Variants in LRFN5 observed in about 807,000 individuals in gnomAD.
The protein encoded by LRFN5 is leucine-rich repeat and fibronectin type-III domain-containing protein 5.
Under a neutral mutation model 45.6 loss-of-function variants are expected in LRFN5, and 24 were observed. That is an observed-to-expected ratio of 0.53 (90% CI 0.38 to 0.74). The LOEUF (loss-of-function observed/expected upper bound fraction) is 0.74, where lower values mean the gene tolerates loss of function less well. Ranked by LOEUF, LRFN5 falls within the 30% of genes least tolerant of loss-of-function variation. The pLI is 0.00. For missense variants in LRFN5, 776 were observed against 861.5 expected (o/e 0.90, Z 1.24); for synonymous variants, 340 against 313.8 (o/e 1.08, Z -0.88).
chr14:41,852,310 A>G (rs1337443650), intron 2 of LRFN5, among the ~76,000 whole-genome samples: 1 of 151,926 alleles, frequency 6.6e-6, no homozygotes, highest in Non-Finnish European at 1.5e-5. Context: ...ACATATGTAA[A>G]GGAAGACAAC....
chr14:41,876,455 T>C (rs1175974318), intron 2 of LRFN5, among the ~76,000 whole-genome samples: 1 of 149,960 alleles, frequency 6.7e-6, no homozygotes, highest in Non-Finnish European at 1.5e-5. Flanking sequence ...TTTTTTTTTT[T>C]TTTTTCTTTT....
chr14:41,872,377 C>G (rs935679062), intron 2 of LRFN5, among the ~76,000 whole-genome samples: 3 of 152,064 alleles, frequency 2.0e-5, no homozygotes, highest in East Asian at 1.9e-4. Context: ...ATGTTTTTTT[C>G]TAATCATTTT....
At chr14:41,712,196 A>G (rs1389859877) in intron 1 of LRFN5, among the ~76,000 whole-genome samples, 1 of 152,204 alleles carries the variant, frequency 6.6e-6, no homozygotes, top group East Asian at 1.9e-4. Flanking sequence ...GATCAGGTAC[A>G]TCTCTTTTAA....
In LRFN5 at chr14:41,753,861, G is replaced by C. The variant is rs567261954; in HGVS notation, c.-196-12993G>C. Among the ~76,000 whole-genome samples the C allele has an allele frequency of 1.4e-4, 21 of 152,250 alleles. No individual in the cohort carries two copies. The East Asian group carries it at 1.5e-3, about 11-fold the overall frequency. The stretch of plus-strand genomic sequence containing the variant: ...TCTTGTGCCAGTTTTCAAAGGGAAT[G>C]CTTCCAGTTTTTGCCCATTCAGTAT... On this transcript the variant is annotated intron_variant, in intron 1 of 5. Transcript: ENST00000298119.
intron 1 of LRFN5, among the ~76,000 whole-genome samples, chr14:41,734,529 G>T (rs1884341753): frequency 6.7e-6 from 1 of 148,758 alleles, no homozygotes; most frequent in African/African-American, 2.5e-5. Flanking sequence ...CCATTCTATT[G>T]TTTTCAGTCT....
At chr14:41,806,893 C>A (rs1418442800) in intron 2 of LRFN5, among the ~76,000 whole-genome samples, 1 of 152,116 alleles carries the variant, frequency 6.6e-6, no homozygotes, top group Non-Finnish European at 1.5e-5. Context: ...GTCAAAATTG[C>A]AGCAGCCTGG....
chr14:41,819,143 G>C (rs1283599559), intron 2 of LRFN5, among the ~76,000 whole-genome samples: 1 of 152,078 alleles, frequency 6.6e-6, no homozygotes, highest in African/African-American at 2.4e-5. Context: ...TCCATTGGTG[G>C]ACACTTAGTT....
chr14:41,727,808 G>A (rs539536270), intron 1 of LRFN5, among the ~76,000 whole-genome samples: 18 of 152,246 alleles, frequency 1.2e-4, no homozygotes, highest in African/African-American at 4.3e-4. Flanking sequence ...GGCTGTATAT[G>A]TGACTTTGAG....
intron 2 of LRFN5, among the ~76,000 whole-genome samples, chr14:41,803,599 G>C (rs968064216): frequency 6.6e-6 from 1 of 151,672 alleles, no homozygotes; most frequent in Non-Finnish European, 1.5e-5. Flanking sequence ...TTCCTGCCTG[G>C]GTCTCTCAAA....
chr14:41,771,070 A>ACAG (rs1677914561), intron 2 of LRFN5, among the ~76,000 whole-genome samples: 1 of 151,838 alleles, frequency 6.6e-6, no homozygotes, highest in African/African-American at 2.4e-5. Flanking sequence ...TTTGAGCTGT[A>ACAG]CTTGGGCCCC....
At chr14:41,735,571 C>T (rs1884392572) in intron 1 of LRFN5, among the ~76,000 whole-genome samples, 1 of 152,120 alleles carries the variant, frequency 6.6e-6, no homozygotes, top group South Asian at 2.1e-4. Context: ...TGCACCTGGC[C>T]ACACTCCTTT....
chr14:41,637,383 G>A lies in LRFN5; in HGVS notation c.-197+28821G>A, dbSNP rs1269287076. Among the ~76,000 whole-genome samples the A allele has an allele frequency of 2.0e-5, 3 of 152,108 alleles. No individual in the cohort carries two copies. In the East Asian group the frequency reaches 5.8e-4, roughly 29 times the overall value. ...AGCAAATTAAAACTATTAGAATCAA[G>A]GGAGGAAGGAAAACTTTTTTTTTCC... On this transcript the variant is annotated intron_variant, in intron 1 of 5. Transcript: ENST00000298119.
chr14:41,761,688 A>C (rs979515785), intron 1 of LRFN5, among the ~76,000 whole-genome samples: 1 of 152,148 alleles, frequency 6.6e-6, no homozygotes, highest in Non-Finnish European at 1.5e-5. Context: ...TCAGGGAAAA[A>C]AAAGTTTATA....
At chr14:41,747,362 G>A (rs575781160) in intron 1 of LRFN5, among the ~76,000 whole-genome samples, 1 of 152,040 alleles carries the variant, frequency 6.6e-6, no homozygotes, top group South Asian at 2.1e-4. Context: ...ATGGAATACG[G>A]CATTTAGAAA....
At chr14:41,647,209 A>G (rs1879859956) in intron 1 of LRFN5, among the ~76,000 whole-genome samples, 2 of 152,136 alleles carry the variant, frequency 1.3e-5, no homozygotes, top group Admixed American at 6.5e-5. Context: ...TTGATTCTGC[A>G]TATTATAAAA....
chr14:41,649,767 G>A (rs1880005290), intron 1 of LRFN5, among the ~76,000 whole-genome samples: 1 of 152,102 alleles, frequency 6.6e-6, no homozygotes, highest in African/African-American at 2.4e-5. Context: ...TTTCCTCTTA[G>A]TAATTTTCAA....
At chr14:41,727,586 A>G (rs1385103886) in intron 1 of LRFN5, among the ~76,000 whole-genome samples, 1 of 152,158 alleles carries the variant, frequency 6.6e-6, no homozygotes, top group African/African-American at 2.4e-5. Flanking sequence ...TGATTCTGCC[A>G]CTTCACTCCA....
intron 1 of LRFN5, among the ~76,000 whole-genome samples, chr14:41,684,549 C>T (rs566444783): frequency 6.6e-6 from 1 of 152,274 alleles, no homozygotes; most frequent in South Asian, 2.1e-4. Flanking sequence ...AATTGAGTTA[C>T]CTCCACGTGG....
chr14:41,640,191 T>A (rs1331650591), intron 1 of LRFN5, among the ~76,000 whole-genome samples: 1 of 151,976 alleles, frequency 6.6e-6, no homozygotes, highest in Non-Finnish European at 1.5e-5. Flanking sequence ...TATTTCATTG[T>A]CCGTCTGAAG....
Sources: allele counts gnomAD v4.1 joint callset (sites outside exome capture counted in the v4.1 genomes callset), GRCh38; gene constraint gnomAD v4.1.1; transcripts MANE v1.5; gene names NCBI Gene and HGNC (gene_info 2026-07-23, HGNC 2026-07-21).